Variants in SERPINB6 observed in about 807,000 individuals in gnomAD.
SERPINB6 encodes serpin B6.
Under a neutral mutation model 26.1 loss-of-function variants are expected in SERPINB6, and 16 were observed. The observed-to-expected ratio is 0.61, with a 90% confidence interval of 0.42 to 0.93. SERPINB6 has a LOEUF of 0.93. Ranked by LOEUF, SERPINB6 falls within the 40% of genes least tolerant of loss-of-function variation. The pLI, the probability that SERPINB6 is intolerant of heterozygous loss-of-function variation, is 0.00. For synonymous variants in SERPINB6, 174 were observed against 176.6 expected, an observed-to-expected ratio of 0.99 and a Z score of 0.11; for missense variants, 420 against 478.0, an observed-to-expected ratio of 0.88 and a Z score of 1.13.
chr6:2,948,307 G>A lies in SERPINB6; in HGVS notation c.1122C>T (p.Ser374=). The change falls in exon 7 of 7, where the codon TCC becomes TCT. Residue 374 remains serine, a synonymous_variant. Coordinates refer to ENST00000380539, the MANE Select transcript of SERPINB6 (RefSeq NM_004568.6). The surrounding 1 kb of genome is among the most constrained non-coding windows in gnomAD (Gnocchi z 5.0). ...CAAGACTGCCCTGTCCTCACGGAGA[G>A]GAAAAGCGGCCGCAGAAGAGAATCC... ...TNGILFCGRF[S]SP is the part of the protein sequence containing the mutation. 6.2e-7 allele frequency: 1 copy of A among 1,613,678 alleles called. No homozygotes were observed. The highest frequency in any genetic ancestry group is 1.1e-5 in the South Asian group (1 of 91,060).
In SERPINB6 at chr6:2,955,665, A is replaced by C; in HGVS notation, c.171T>G (p.Leu57=). The C allele has an allele frequency of 6.2e-7, 1 of 1,614,206 alleles. No homozygotes were observed. The highest frequency in any genetic ancestry group is 8.5e-7 in the Non-Finnish European group (1 of 1,180,030). The change falls in exon 3 of 7, where the codon CTT becomes CTG. Residue 57 remains leucine (L), a synonymous_variant. Coordinates refer to ENST00000380539, the MANE Select transcript of SERPINB6 (RefSeq NM_004568.6). The part of the protein sequence containing the change: ...GNTAAQMAQI[L]SFNKSGGGGD... ...CACCACCGCCACTTTTATTGAAAGA[A>C]AGTATCTGAAATCAAAAACAGAATG...
rs561483779 is a variant in SERPINB6 at position 2,955,472 on chromosome 6, C to G, written c.312+52G>C. 2.1e-4 allele frequency: 339 copies of G among 1,612,598 alleles called. 5 individuals carry two copies. In the South Asian group the frequency reaches 3.6e-3, roughly 17 times the overall value. Reference sequence around the variant, plus strand: ...ACGCTTCCTGCTGGGCCCCAGCCCCCACTACCTGGCCACCTTTATTTCTTT... The same window carrying G: ...ACGCTTCCTGCTGGGCCCCAGCCCCGACTACCTGGCCACCTTTATTTCTTT... On this transcript the variant is annotated intron_variant, in intron 3 of 6. Coordinates refer to ENST00000380539, the MANE Select transcript of SERPINB6 (RefSeq NM_004568.6).
At chr6:2,960,272 C>T (rs1045007655) in intron 1 of SERPINB6, 1 of 152,298 alleles carries the variant, frequency 6.6e-6, no homozygotes, top group Non-Finnish European at 1.5e-5. Context: ...ATCAATGCCC[C>T]ACTGCACTAC....
intron 5 of SERPINB6, among the ~76,000 whole-genome samples, chr6:2,949,565 CCT>C (rs1482289374): frequency 6.6e-6 from 1 of 152,232 alleles, no homozygotes; most frequent in Non-Finnish European, 1.5e-5. Flanking sequence ...TCTCTCACAC[CCT>C]GTGTCTGACT....
At chr6:2,969,464 C>T (rs1359442217) in intron 1 of SERPINB6, 2 of 973,562 alleles carry the variant, frequency 2.1e-6, no homozygotes, top group Non-Finnish European at 2.4e-6. Flanking sequence ...TAATCACAGA[C>T]ATAAAAACTG....
At chr6:2,971,174 G>A (rs1581292396) in intron 1 of SERPINB6, 1 of 995,916 alleles carries the variant, frequency 1.0e-6, no homozygotes, top group Non-Finnish European at 1.2e-6. Flanking sequence ...TCTTCCGTGG[G>A]CGCTGGGCCT....
At chr6:2,970,692 G>C in intron 1 of SERPINB6, 1 of 1,063,312 alleles carries the variant, frequency 9.4e-7, no homozygotes. Context: ...TTAATTTTCT[G>C]TACCTCAGTT....
intron 1 of SERPINB6, chr6:2,970,070 AAAAAAAAT>A: frequency 4.1e-6 from 4 of 985,032 alleles, no homozygotes; most frequent in Non-Finnish European, 4.8e-6. Flanking sequence ...AAAAAAAAAA[AAAAAAAAT>A]TTTCTTTCTT....
At chr6:2,968,947 C>G in intron 1 of SERPINB6, 2 of 1,220,502 alleles carry the variant, frequency 1.6e-6, no homozygotes, top group Non-Finnish European at 1.0e-6. Context: ...AGATGGGGGT[C>G]GGGGGGCTTC....
chr6:2,950,946 C>T (rs1016090197), intron 5 of SERPINB6, among the ~76,000 whole-genome samples: 1 of 152,254 alleles, frequency 6.6e-6, no homozygotes, highest in Non-Finnish European at 1.5e-5. Context: ...GTCTCCTGGG[C>T]CTCGGCTGCC....
intron 1 of SERPINB6, among the ~76,000 whole-genome samples, chr6:2,966,132 G>A (rs530470527): frequency 6.6e-6 from 1 of 152,210 alleles, no homozygotes; most frequent in South Asian, 2.1e-4. Flanking sequence ...AGGCCTTTAA[G>A]TTGGTTTTTA....
Position 2,954,682 on chromosome 6 carries a change from A to T in SERPINB6, c.340T>A (p.Tyr114Asn). 6.2e-7 allele frequency: 1 copy of T among 1,614,106 alleles called. No homozygotes were observed. The highest frequency in any genetic ancestry group is 1.3e-5 in the African/African-American group (1 of 75,038). Residue 114 changes from tyrosine (Y) to asparagine (N), a missense_variant, in exon 4 of 7, where the codon TAC becomes AAC. Physicochemically the swap from Tyr to Asn is moderately radical, Grantham distance 143. Transcript: ENST00000380539. ...SSFRDSCQKF[Y>N]QAEMEELDFI... ...TCAAGCTCCTCCATCTCTGCTTGGT[A>T]GAATTTTTGGCAGGAATCTCTAAAA...
chr6:2,949,065 T>G lies in SERPINB6; in HGVS notation c.578A>C (p.Glu193Ala). The G allele has an allele frequency of 6.2e-7, 1 of 1,614,070 alleles. No individual in the cohort carries two copies. Among genetic ancestry groups the G allele is most frequent in the Non-Finnish European group, 8.5e-7 (1 of 1,179,998 alleles). Residue 193 changes from glutamate (E) to alanine (A), a missense_variant, in exon 6 of 7, where the codon GAG becomes GCG. Coordinates refer to ENST00000380539, the MANE Select transcript of SERPINB6 (RefSeq NM_004568.6). ...EERLFKVSKN[E>A]EKPVQMMFKQ... is the part of the protein sequence containing the mutation. ...AAACATCATTTGCACAGGTTTCTCCTCATTCTACAAAGAAAACAGATAAAC... is the reference window on the plus strand; with the variant it reads ...AAACATCATTTGCACAGGTTTCTCCGCATTCTACAAAGAAAACAGATAAAC...
chr6:2,952,238 C>A (rs1332286520), intron 5 of SERPINB6, among the ~76,000 whole-genome samples: 4 of 152,076 alleles, frequency 2.6e-5, no homozygotes, highest in African/African-American at 9.7e-5. Context: ...TTCTGAATTG[C>A]GAGGAGAACA....
chr6:2,968,849 C>A, intron 1 of SERPINB6: 1 of 1,231,382 alleles, frequency 8.1e-7, no homozygotes, highest in South Asian at 4.1e-5. Context: ...CTCAAGGGAT[C>A]AGCAGCTTTT....
intron 1 of SERPINB6, chr6:2,969,502 T>C (rs1771935396): frequency 1.2e-5 from 12 of 985,102 alleles, no homozygotes; most frequent in Non-Finnish European, 1.4e-5. Context: ...AATGAACAAT[T>C]TTATGTATTT....
rs1769450973 is a variant in SERPINB6 at position 2,948,977 on chromosome 6, T to C, written c.666A>G (p.Pro222=). The change falls in exon 6 of 7, where the codon CCA becomes CCG. Residue 222 remains proline, a synonymous_variant. Transcript: ENST00000380539. This position sits in a 1 kb window ranked among gnomAD's most constrained non-coding sequence, Gnocchi z 5.0. ...GEIFTQILVL[P]YVGKELNMII... ...TCATATTCAGTTCCTTGCCAACATA[T>C]GGAAGCACCAAGATTTGGGTAAATA... The C allele has an allele frequency of 6.2e-7, 1 of 1,614,228 alleles. No homozygotes were observed. The highest frequency in any genetic ancestry group is 1.1e-5 in the South Asian group (1 of 91,086).
rs1057350989 is a variant in SERPINB6 at position 2,955,554 on chromosome 6, G to A, written c.282C>T (p.Leu94=). Residue 94 remains leucine, a synonymous_variant, in exon 3 of 7, where the codon CTC becomes CTT. Transcript: ENST00000380539. ...TQYLLRMANR[L]FGEKSCDFLS... is the part of the protein sequence containing the mutation. ...GGAAATCACAAGACTTTTCCCCAAA[G>A]AGCCTGTTGGCCATCCTAAGCAAGT... 1 of 1,614,206 alleles carries A rather than the reference G, an allele frequency of 6.2e-7. No homozygotes were observed. The highest frequency in any genetic ancestry group is 8.5e-7 in the Non-Finnish European group (1 of 1,180,040).
At chr6:2,953,666 T>TA (rs113896703) in intron 4 of SERPINB6, among the ~76,000 whole-genome samples, 7 of 150,532 alleles carry the variant, frequency 4.7e-5, no homozygotes, top group East Asian at 1.9e-4. Context: ...CCTTGTCTCT[T>TA]AAAAAAAAAA....
Sources: allele counts gnomAD v4.1 joint callset (sites outside exome capture counted in the v4.1 genomes callset), GRCh38; gene constraint gnomAD v4.1.1; non-coding constraint Gnocchi (gnomAD v3.1); transcripts MANE v1.5; gene names NCBI Gene and HGNC (gene_info 2026-07-23, HGNC 2026-07-21).